The following TTL variants were observed in gnomAD, a reference collection of about 807,000 sequenced individuals.
The protein encoded by TTL is tubulin--tyrosine ligase.
TTL carries 10 observed loss-of-function variants against 41.1 expected under a neutral mutation model. The observed-to-expected ratio is 0.24, with a 90% CI of 0.15 to 0.41. TTL has a LOEUF of 0.41. Among genes scored for constraint, TTL ranks in the 10% least tolerant of loss-of-function variants. The probability of loss-of-function intolerance (pLI) is 1.00; values close to 1 mark genes in which losing one functional copy is unlikely to be tolerated. For missense variants in TTL, 367 were observed against 460.4 expected, an observed-to-expected ratio of 0.80 and a Z score of 1.86; for synonymous variants, 175 against 175.5, an observed-to-expected ratio of 1.00 and a Z score of 0.02.
At chr2:112,519,764 G>A (rs1351625845) in intron 5 of TTL, among the ~76,000 whole-genome samples, 1 of 152,088 alleles carries the variant, frequency 6.6e-6, no homozygotes, top group Non-Finnish European at 1.5e-5. Flanking sequence ...GGAAGAACAC[G>A]AGTGGTTGCA....
intron 6 of TTL, among the ~76,000 whole-genome samples, chr2:112,527,558 A>G (rs563146031): frequency 1.1e-4 from 17 of 152,330 alleles, no homozygotes; most frequent in Admixed American, 7.8e-4. Flanking sequence ...TCCCTTTATC[A>G]TTATGTAATG....
chr2:112,489,078 C>A lies in TTL; in HGVS notation c.236+3083C>A, dbSNP rs187411349. On this transcript the variant is annotated intron_variant, in intron 2 of 6. Transcript: ENST00000233336. ...CTCCAGCCTGGGTGACAGAGTGAGACGCCGTCTCAAAAAAGAAATAAATTA... is the reference window on the plus strand; with the variant it reads ...CTCCAGCCTGGGTGACAGAGTGAGAAGCCGTCTCAAAAAAGAAATAAATTA... 5.7e-4 allele frequency among the ~76,000 whole-genome samples: 86 copies of A among 152,012 alleles called. No homozygotes were observed. The East Asian group carries it at 0.011, about 19-fold the overall frequency.
At chr2:112,491,786 A>G (rs956712232) in intron 2 of TTL, among the ~76,000 whole-genome samples, 29 of 151,962 alleles carry the variant, frequency 1.9e-4, no homozygotes, top group African/African-American at 6.3e-4. Flanking sequence ...CCTTTACACA[A>G]CCGTTTTTTC....
At chr2:112,501,644 G>T (rs969622057) in intron 4 of TTL, among the ~76,000 whole-genome samples, 1 of 152,100 alleles carries the variant, frequency 6.6e-6, no homozygotes, top group African/African-American at 2.4e-5. Flanking sequence ...AGGGTGGATG[G>T]ATCACCTGAG....
At position 112,512,155 on chromosome 2, in the gene TTL, G is replaced by A. The variant is rs569683315; in HGVS notation, c.876-8127G>A. Among the ~76,000 whole-genome samples the A allele has an allele frequency of 1.1e-3, 171 of 152,000 alleles. 2 individuals are homozygous for A. The highest frequency in any genetic ancestry group is 0.01 in the Middle Eastern group (3 of 294). On this transcript the variant is annotated intron_variant, in intron 5 of 6. Transcript: ENST00000233336. ...TGCCCGGACTAGAGTGCAGTGGCGCGATCATGGCTGACTGCAACCTCTGCC... is the reference window on the plus strand; with the variant it reads ...TGCCCGGACTAGAGTGCAGTGGCGCAATCATGGCTGACTGCAACCTCTGCC...
rs567273854 is a variant in TTL, at chr2:112,501,932, TG to T, written c.605+592del. 2.0e-5 allele frequency among the ~76,000 whole-genome samples: 3 copies of T among 151,972 alleles called. No homozygotes were observed. In the South Asian group the frequency reaches 6.2e-4, roughly 32 times the overall value. Reference sequence around the variant, plus strand: ...GTGGATTCAAAGAAATGAATATAAATGTATGGTCTTGCTCATGGAATAAACT... The same window carrying T: ...GTGGATTCAAAGAAATGAATATAAATTATGGTCTTGCTCATGGAATAAACT... On this transcript the variant is annotated intron_variant, in intron 4 of 6. Transcript: ENST00000233336.
chr2:112,486,860 G>A (rs942577106), intron 2 of TTL, among the ~76,000 whole-genome samples: 6 of 152,170 alleles, frequency 3.9e-5, no homozygotes, highest in African/African-American at 1.4e-4. Flanking sequence ...AATTTTCTTG[G>A]CTGTAAAATG....
chr2:112,482,528 CCCT>C lies in TTL; in HGVS notation c.157+32_157+34del. 1 of 1,574,682 alleles carries C rather than the reference CCCT, an allele frequency of 6.4e-7. No homozygotes were observed. Among genetic ancestry groups the C allele is most frequent in the Non-Finnish European group, 8.6e-7 (1 of 1,158,450 alleles). On this transcript the variant is annotated intron_variant, in intron 1 of 6. Transcript: ENST00000233336. The surrounding 1 kb of genome is among the most constrained non-coding windows in gnomAD (Gnocchi z 5.3). ...TGAGCCCCTCCCCGATTCCCGTCTG[CCCT>C]CCTCGGAGCGGCCCTGCGCGCCTCC... is the stretch of plus-strand genomic sequence containing the variant.
rs539640258 is a variant in TTL at position 112,535,573 on chromosome 2, A to G, written c.*6778A>G. ...GACAAGGAAACAGAAATGTTACACT[A>G]GAAAATATATAAGAAAAGAGAAGGA... On this transcript the variant is annotated 3_prime_UTR_variant, in exon 7 of 7. Coordinates refer to ENST00000233336, the MANE Select transcript of TTL (RefSeq NM_153712.5). 4.1e-4 allele frequency: 63 copies of G among 152,294 alleles called. No homozygotes were observed. Among genetic ancestry groups the G allele is most frequent in the African/African-American group, 1.4e-3 (60 of 41,572 alleles). 9.4% of individuals were successfully genotyped at this position (152,294 alleles called of 1,614,324 possible).
chr2:112,497,015 T>C (rs1433968715), intron 3 of TTL, among the ~76,000 whole-genome samples: 1 of 151,676 alleles, frequency 6.6e-6, no homozygotes, highest in African/African-American at 2.4e-5. Context: ...TGAGACAGGG[T>C]TTCACCACAT....
chr2:112,530,999 C>G lies in TTL; in HGVS notation c.*2204C>G, dbSNP rs1204832404. 1.6e-5 allele frequency: 3 copies of G among 188,168 alleles called. No individual in the cohort carries two copies. The highest frequency in any genetic ancestry group is 3.4e-5 in the Non-Finnish European group (3 of 89,276). 11.7% of individuals were successfully genotyped at this position (188,168 alleles called of 1,614,324 possible). A position where few individuals can be genotyped will look rare whatever the true frequency, so the allele number is the denominator to read the frequency against. On this transcript the variant is annotated 3_prime_UTR_variant, in exon 7 of 7. Coordinates refer to ENST00000233336, the MANE Select transcript of TTL (RefSeq NM_153712.5). ...ATAAAATTTTACAGAGACGTGGTCTCACTGTGTTGCCCAGGCTGGATTGCA... is the reference window on the plus strand; with the variant it reads ...ATAAAATTTTACAGAGACGTGGTCTGACTGTGTTGCCCAGGCTGGATTGCA...
chr2:112,520,381 G>A lies in TTL; in HGVS notation c.975G>A (p.Leu325=), dbSNP rs1210097615. The change falls in exon 6 of 7, where the codon CTG becomes CTA. Residue 325 remains leucine (L), a synonymous_variant. Transcript: ENST00000233336. The part of the protein sequence containing the change: ...FGFDFMVDEE[L]KVWLIEVNGA... ...TTGACTTCATGGTCGATGAGGAGCT[G>A]AAGGTGTGGCTCATTGAGGTCAACG... 2 of 1,614,046 alleles carry A rather than the reference G, an allele frequency of 1.2e-6. No homozygotes were observed. The highest frequency in any genetic ancestry group is 1.7e-6 in the Non-Finnish European group (2 of 1,180,050).
rs1354728080 is a variant in TTL, at chr2:112,482,432, C to T, written c.88C>T (p.Leu30=). ...LLLATGHWKR[L]RRDNPRFNLM... is the part of the protein sequence containing the mutation. The stretch of plus-strand genomic sequence containing the variant: ...CCTCGCCACCGGCCACTGGAAGAGG[C>T]TGCGGCGAGACAACCCCAGATTCAA... Residue 30 remains leucine (L), a synonymous_variant, in exon 1 of 7, where the codon CTG becomes TTG. Coordinates refer to ENST00000233336, the MANE Select transcript of TTL (RefSeq NM_153712.5). This position sits in a 1 kb window ranked among gnomAD's most constrained non-coding sequence, Gnocchi z 5.3. The T allele has an allele frequency of 1.2e-6, 2 of 1,611,056 alleles. No individual in the cohort carries two copies. Among genetic ancestry groups the T allele is most frequent in the Non-Finnish European group, 1.7e-6 (2 of 1,178,992 alleles).
Position 112,532,291 on chromosome 2 carries a change from A to G in TTL, c.*3496A>G, listed in dbSNP as rs910673933. ...CTGTAGAGAAAATTCAGTGACGTAC[A>G]TGGCTCTGGTTCTGGACACAAAATC... On this transcript the variant is annotated 3_prime_UTR_variant, in exon 7 of 7. Coordinates refer to ENST00000233336, the MANE Select transcript of TTL (RefSeq NM_153712.5). 1 of 228,278 alleles carries G rather than the reference A, an allele frequency of 4.4e-6. No homozygotes were observed. Among genetic ancestry groups the G allele is most frequent in the African/African-American group, 2.2e-5 (1 of 45,050 alleles). 14.1% of individuals were successfully genotyped at this position (228,278 alleles called of 1,614,324 possible).
intron 3 of TTL, among the ~76,000 whole-genome samples, chr2:112,495,573 A>G (rs1681502321): frequency 6.6e-6 from 1 of 152,252 alleles, no homozygotes; most frequent in African/African-American, 2.4e-5. Flanking sequence ...CTGGCTGGGC[A>G]TAGTGGCTCA....
chr2:112,487,877 G>T (rs1383352807), intron 2 of TTL, among the ~76,000 whole-genome samples: 1 of 152,150 alleles, frequency 6.6e-6, no homozygotes, highest in African/African-American at 2.4e-5. Flanking sequence ...GATTTTGTAT[G>T]GCTTGAAAGG....
intron 5 of TTL, among the ~76,000 whole-genome samples, chr2:112,515,233 T>C (rs1487623859): frequency 6.6e-6 from 1 of 152,208 alleles, no homozygotes; most frequent in Non-Finnish European, 1.5e-5. Context: ...ATGGGCTGCA[T>C]ATGGCCTGTA....
Position 112,533,904 on chromosome 2 carries a change from A to G in TTL, c.*5109A>G, listed in dbSNP as rs1682554280. 1 of 152,230 alleles carries G rather than the reference A, an allele frequency of 6.6e-6. No individual in the cohort carries two copies. Among genetic ancestry groups the G allele is most frequent in the Non-Finnish European group, 1.5e-5 (1 of 68,038 alleles). 9.4% of individuals were successfully genotyped at this position (152,230 alleles called of 1,614,324 possible). ...GTAGCAGAACTTGAAGATTGTTGCA[A>G]GCATAATTCCTTTCAAAAATTATGA... On this transcript the variant is annotated 3_prime_UTR_variant, in exon 7 of 7. Coordinates refer to ENST00000233336, the MANE Select transcript of TTL (RefSeq NM_153712.5).
At chr2:112,511,076 G>A (rs1400654598) in intron 5 of TTL, among the ~76,000 whole-genome samples, 1 of 152,076 alleles carries the variant, frequency 6.6e-6, no homozygotes, top group African/African-American at 2.4e-5. Flanking sequence ...GGAATGCAGT[G>A]GCACAAACAT....
Sources: allele counts gnomAD v4.1 joint callset (sites outside exome capture counted in the v4.1 genomes callset), GRCh38; gene constraint gnomAD v4.1.1; non-coding constraint Gnocchi (gnomAD v3.1); transcripts MANE v1.5; gene names NCBI Gene and HGNC (gene_info 2026-07-23, HGNC 2026-07-21).